KLF9: variants seen among roughly 807,000 people sequenced by gnomAD.
KLF9 encodes the protein Krueppel-like factor 9.
KLF9 carries 2 observed loss-of-function variants against 17.3 expected under a neutral mutation model. That is an observed-to-expected ratio of 0.12 (90% confidence interval 0.05 to 0.36). The LOEUF is 0.36. Ranked by LOEUF, KLF9 falls within the 10% of genes least tolerant of loss-of-function variation. The pLI, the probability that KLF9 is intolerant of heterozygous loss-of-function variation, is 1.00. For missense variants in KLF9, 226 were observed against 333.2 expected (o/e 0.68, Z 2.51); for synonymous variants, 138 against 139.2 (o/e 0.99, Z 0.06).
In KLF9 at chr9:70,384,633, C is replaced by T. The variant is rs2037097198; in HGVS notation, c.*3143G>A. 6.6e-6 allele frequency: 1 copy of T among 152,576 alleles called. No individual in the cohort carries two copies. Among genetic ancestry groups the T allele is most frequent in the Middle Eastern group, 3.2e-3 (1 of 316 alleles). 9.5% of individuals were successfully genotyped at this position (152,576 alleles called of 1,614,324 possible). On this transcript the variant is annotated 3_prime_UTR_variant, in exon 2 of 2. Transcript: ENST00000377126. Reference sequence around the variant, plus strand: ...TCATTTATTATTTTTATTTGGACAACATATATACATATGTACAAAATACCT... The same window carrying T: ...TCATTTATTATTTTTATTTGGACAATATATATACATATGTACAAAATACCT...
chr9:70,413,117 T>G lies in KLF9; in HGVS notation c.247A>C (p.Ser83Arg), dbSNP rs2037339879. The stretch of plus-strand genomic sequence containing the variant: ...TCATCTGGACTTTCCAGACTGTCGC[T>G]GCACACGGAGGGGGTCTGGATGGGT... ...YRPIQTPSVC[S>R]DSLESPDEDM... Residue 83 changes from serine to arginine, a missense_variant, in exon 1 of 2, where the codon AGC (serine) becomes CGC (arginine). Ser to Arg is a moderately radical substitution (Grantham distance 110). Transcript: ENST00000377126. This position sits in a 1 kb window ranked among gnomAD's most constrained non-coding sequence, Gnocchi z 5.6. The G allele has an allele frequency of 6.2e-7, 1 of 1,614,216 alleles. No individual in the cohort carries two copies. The highest frequency in any genetic ancestry group is 8.5e-7 in the Non-Finnish European group (1 of 1,180,030).
Position 70,413,289 on chromosome 9 carries a change from C to A in KLF9, c.75G>T (p.Pro25=). The A allele has an allele frequency of 6.2e-7, 1 of 1,611,832 alleles. No homozygotes were observed. The highest frequency in any genetic ancestry group is 8.5e-7 in the Non-Finnish European group (1 of 1,179,442). The change falls in exon 1 of 2, where the codon CCG becomes CCT. Residue 25 remains proline (P), a synonymous_variant. Transcript: ENST00000377126. This position sits in a 1 kb window ranked among gnomAD's most constrained non-coding sequence, Gnocchi z 5.6. ...CGGCGTCCGGAGCGACCCCATGCTC[C>A]GGCACCGCAGCGCGGTTCGAAATGG... ...LVSISNRAAV[P]EHGVAPDAER... is the part of the protein sequence containing the mutation.
chr9:70,406,242 C>T (rs1452541257), intron 1 of KLF9, among the ~76,000 whole-genome samples: 2 of 152,180 alleles, frequency 1.3e-5, no homozygotes, highest in Non-Finnish European at 2.9e-5. Flanking sequence ...CAAATGCTTC[C>T]AACTACCTAG....
At position 70,386,136 on chromosome 9, in the gene KLF9, A is replaced by T. The variant is rs2037109150; in HGVS notation, c.*1640T>A. 2 of 152,622 alleles carry T rather than the reference A, an allele frequency of 1.3e-5. No individual in the cohort carries two copies. The highest frequency in any genetic ancestry group is 4.8e-5 in the African/African-American group (2 of 41,432). The allele number at this position is 152,622 out of a possible 1,614,324, so 9.5% of individuals were successfully genotyped here. A position where few individuals can be genotyped will look rare whatever the true frequency, so the allele number is the denominator to read the frequency against. On this transcript the variant is annotated 3_prime_UTR_variant, in exon 2 of 2. Coordinates refer to ENST00000377126, the MANE Select transcript of KLF9 (RefSeq NM_001206.4). ...AGTGCACCATAGCTCCCTGTTTTAA[A>T]TATCAGATAAAATCATCAGAAAGCG...
rs756071200 is a variant in KLF9, at chr9:70,403,527, A to T, written c.505+9332T>A. Among the ~76,000 whole-genome samples the T allele has an allele frequency of 2.6e-5, 4 of 152,088 alleles. No individual in the cohort carries two copies. The South Asian group carries it at 6.2e-4, about 24-fold the overall frequency. On this transcript the variant is annotated intron_variant, in intron 1 of 1. Coordinates refer to ENST00000377126, the MANE Select transcript of KLF9 (RefSeq NM_001206.4). ...TGGAACTGCGGGCAGCCATCTCACCACTATTTGGAGACAGCCCCCACCAAC... is the reference window on the plus strand; with the variant it reads ...TGGAACTGCGGGCAGCCATCTCACCTCTATTTGGAGACAGCCCCCACCAAC...
At chr9:70,409,014 ACATATATG>A (rs2037277470) in intron 1 of KLF9, among the ~76,000 whole-genome samples, 1 of 33,666 alleles carries the variant, frequency 3.0e-5, no homozygotes, top group African/African-American at 1.2e-4. Flanking sequence ...ATATATATAC[ACATATATG>A]TATATATATA....
At chr9:70,398,123 T>G (rs1279062086) in intron 1 of KLF9, among the ~76,000 whole-genome samples, 2 of 152,186 alleles carry the variant, frequency 1.3e-5, no homozygotes, top group Non-Finnish European at 2.9e-5. Context: ...TAATCCTGCC[T>G]GAATGCCATC....
intron 1 of KLF9, among the ~76,000 whole-genome samples, chr9:70,401,888 C>T (rs1262848648): frequency 8.0e-5 from 12 of 149,272 alleles, no homozygotes; most frequent in Non-Finnish European, 3.0e-5. Flanking sequence ...AGTGGCATGT[C>T]CCTGTAGTCC....
At chr9:70,409,645 T>A (rs1050458570) in intron 1 of KLF9, among the ~76,000 whole-genome samples, 4 of 152,172 alleles carry the variant, frequency 2.6e-5, no homozygotes, top group African/African-American at 9.7e-5. Flanking sequence ...TATAAAATAC[T>A]CTAATAGTTC....
At chr9:70,410,162 C>T (rs1019603176) in intron 1 of KLF9, among the ~76,000 whole-genome samples, 5 of 152,224 alleles carry the variant, frequency 3.3e-5, no homozygotes, top group Non-Finnish European at 2.9e-5. Flanking sequence ...TCAGTTCAAG[C>T]CAATTGTTGC....
intron 1 of KLF9, among the ~76,000 whole-genome samples, chr9:70,390,190 C>T (rs906405373): frequency 1.3e-4 from 20 of 152,172 alleles, no homozygotes; most frequent in Admixed American, 9.8e-4. Context: ...ACGTACTTTT[C>T]GAGGAAACCC....
Position 70,413,466 on chromosome 9 carries a change from CGGCACGGCGCGGCGGCCAAG to C in KLF9, c.-123_-104del. ...CTCGGACGACGAGCGCGGCGCGGCG[CGGCACGGCGCGGCGGCCAAG>C]GGGGCGGGGGCGCGGGGCGCTTCCG... On this transcript the variant is annotated 5_prime_UTR_variant, in exon 1 of 2. Coordinates refer to ENST00000377126, the MANE Select transcript of KLF9 (RefSeq NM_001206.4). This position sits in a 1 kb window ranked among gnomAD's most constrained non-coding sequence, Gnocchi z 5.6. 7 of 1,192,188 alleles carry C rather than the reference CGGCACGGCGCGGCGGCCAAG, an allele frequency of 5.9e-6. No individual in the cohort carries two copies. The highest frequency in any genetic ancestry group is 7.3e-6 in the Non-Finnish European group (7 of 954,100). 73.9% of individuals were successfully genotyped at this position (1,192,188 alleles called of 1,614,324 possible). A position where few individuals can be genotyped will look rare whatever the true frequency, so the allele number is the denominator to read the frequency against.
At position 70,386,262 on chromosome 9, in the gene KLF9, G is replaced by A. The variant is rs1587737042; in HGVS notation, c.*1514C>T. ...TACGAAAACTCAGTTCACTTTTCTG[G>A]CCTCATAAAGGCCACAGTTAAGTTT... On this transcript the variant is annotated 3_prime_UTR_variant, in exon 2 of 2. Transcript: ENST00000377126. 1 of 152,592 alleles carries A rather than the reference G, an allele frequency of 6.6e-6. No individual in the cohort carries two copies. Among genetic ancestry groups the A allele is most frequent in the African/African-American group, 2.4e-5 (1 of 41,404 alleles). The allele number at this position is 152,592 out of a possible 1,614,324, so 9.5% of individuals were successfully genotyped here.
intron 1 of KLF9, among the ~76,000 whole-genome samples, chr9:70,396,425 C>G (rs138868055): frequency 0.01 from 1,550 of 152,216 alleles, 18 homozygotes; most frequent in Non-Finnish European, 0.014. Context: ...ACACTGCTAA[C>G]TGAGAAGAAC....
At chr9:70,389,946 C>G (rs539345385) in intron 1 of KLF9, among the ~76,000 whole-genome samples, 1 of 152,318 alleles carries the variant, frequency 6.6e-6, no homozygotes, top group Admixed American at 6.5e-5. Flanking sequence ...ACTCCTGTCC[C>G]GGCCTTCCCA....
chr9:70,405,238 G>T (rs2037248436), intron 1 of KLF9, among the ~76,000 whole-genome samples: 1 of 152,158 alleles, frequency 6.6e-6, no homozygotes, highest in Non-Finnish European at 1.5e-5. Flanking sequence ...TTCAAGTCAG[G>T]CCCTTTGGGA....
Position 70,413,524 on chromosome 9 carries a change from G to C in KLF9, c.-161C>G. ...CGGGGCGCTTCCGACTCGCAGGAGC[G>C]CCGAGGCGACCTCAGCCCCTCATCT... On this transcript the variant is annotated 5_prime_UTR_variant, in exon 1 of 2. Coordinates refer to ENST00000377126, the MANE Select transcript of KLF9 (RefSeq NM_001206.4). This position sits in a 1 kb window ranked among gnomAD's most constrained non-coding sequence, Gnocchi z 5.6. 1 of 649,158 alleles carries C rather than the reference G, an allele frequency of 1.5e-6. No individual in the cohort carries two copies. Among genetic ancestry groups the C allele is most frequent in the Non-Finnish European group, 2.1e-6 (1 of 474,650 alleles). The allele number at this position is 649,158 out of a possible 1,614,324, so 40.2% of individuals were successfully genotyped here. A position where few individuals can be genotyped will look rare whatever the true frequency, so the allele number is the denominator to read the frequency against.
At chr9:70,412,117 T>A (rs1386388871) in intron 1 of KLF9, among the ~76,000 whole-genome samples, 1 of 131,112 alleles carries the variant, frequency 7.6e-6, no homozygotes, top group Non-Finnish European at 1.5e-5. Context: ...AGCCTTGACC[T>A]CCGGCAAGGA....
chr9:70,412,819 C>CT (rs2037334897), intron 1 of KLF9, 40 bp downstream of exon 1: 3 of 1,522,728 alleles, frequency 2.0e-6, no homozygotes, highest in Non-Finnish European at 2.6e-6. Context: ...CAAAGGTTAA[C>CT]TAACCCCAGA....
Sources: gnomAD v4.1 joint callset for allele counts (sites outside exome capture counted in the v4.1 genomes callset) on GRCh38, gnomAD v4.1.1 for gene constraint, Gnocchi (gnomAD v3.1) non-coding constraint, MANE v1.5 for transcripts, NCBI Gene and HGNC (gene_info 2026-07-23, HGNC 2026-07-21) for gene names.